Variants in ATR observed in about 807,000 individuals in gnomAD.
The protein encoded by ATR is serine/threonine-protein kinase ATR.
ATR carries 142 observed loss-of-function variants against 305.3 expected under a neutral mutation model. The ratio of observed to expected loss-of-function variants is 0.47; its 90% confidence interval spans 0.41 to 0.53. The LOEUF is 0.53. ATR is among the 20% of genes least tolerant of loss of function. ATR has a pLI of 0.00. For synonymous variants in ATR, 1,050 were observed against 1,068.1 expected, an observed-to-expected ratio of 0.98 and a Z score of 0.33; for missense variants, 2,135 against 3,133.1, an observed-to-expected ratio of 0.68 and a Z score of 7.60.
chr3:142,529,811 T>A (rs2033567289), intron 21 of ATR, among the ~76,000 whole-genome samples: 1 of 152,136 alleles, frequency 6.6e-6, no homozygotes, highest in South Asian at 2.1e-4. Flanking sequence ...TTTTTTCTCC[T>A]TGCAAGTAAT....
intron 35 of ATR, among the ~76,000 whole-genome samples, chr3:142,490,117 G>A (rs1425669275): frequency 6.6e-6 from 1 of 152,138 alleles, no homozygotes; most frequent in Non-Finnish European, 1.5e-5. Flanking sequence ...GGAATGCAGT[G>A]GTGCAATCAT....
At chr3:142,513,397 C>T in intron 26 of ATR, 104 bp downstream of exon 26, 2 of 1,349,898 alleles carry the variant, frequency 1.5e-6, no homozygotes, top group Non-Finnish European at 2.1e-6. Flanking sequence ...CATAGCCATA[C>T]ATAGGTCTAC....
chr3:142,481,304 G>A (rs2030457094), intron 36 of ATR, among the ~76,000 whole-genome samples: 1 of 152,204 alleles, frequency 6.6e-6, no homozygotes, highest in Admixed American at 6.5e-5. Flanking sequence ...ATTGAGATGA[G>A]ATGATCATAT....
intron 46 of ATR, chr3:142,452,863 T>C: frequency 7.7e-7 from 1 of 1,300,728 alleles, no homozygotes; most frequent in Non-Finnish European, 9.8e-7. Context: ...TTTTTCCTAC[T>C]GTATCTCATA....
intron 44 of ATR, among the ~76,000 whole-genome samples, chr3:142,458,716 A>G (rs2070961133): frequency 6.6e-6 from 1 of 152,178 alleles, no homozygotes; most frequent in Admixed American, 6.5e-5. Context: ...TTGAGTCAGA[A>G]CCTAAACCTA....
chr3:142,458,571 AT>A (rs200779066), intron 44 of ATR, among the ~76,000 whole-genome samples: 10 of 151,808 alleles, frequency 6.6e-5, no homozygotes, highest in Non-Finnish European at 1.5e-4. Flanking sequence ...GTATCTATAA[AT>A]TTTTTTTTAA....
At chr3:142,451,804 T>G in intron 46 of ATR, 1 of 1,249,944 alleles carries the variant, frequency 8.0e-7, no homozygotes, top group Non-Finnish European at 1.0e-6. Flanking sequence ...CAGTTAGATA[T>G]GTATATAGCT....
At chr3:142,457,577 A>C in intron 45 of ATR, 27 bp downstream of exon 45, 1 of 1,612,936 alleles carries the variant, frequency 6.2e-7, no homozygotes, top group African/African-American at 1.3e-5. Context: ...GTTACTGTTA[A>C]ATTATTTACA....
intron 40 of ATR, 52 bp from the exon 41 acceptor site, chr3:142,465,292 T>C: frequency 6.9e-7 from 1 of 1,456,782 alleles, no homozygotes; most frequent in Non-Finnish European, 9.6e-7. Context: ...TCTGTGTAAA[T>C]GTCTATATAT....
chr3:142,509,312 T>G (rs1382056883), intron 27 of ATR, among the ~76,000 whole-genome samples: 2 of 152,012 alleles, frequency 1.3e-5, no homozygotes, highest in African/African-American at 2.4e-5. Flanking sequence ...CATAGGCATG[T>G]GCCACCACGC....
intron 46 of ATR, chr3:142,452,629 G>A (rs1006605641): frequency 2.5e-5 from 23 of 912,464 alleles, no homozygotes; most frequent in Middle Eastern, 5.5e-4. Context: ...AGCCAAGATC[G>A]TGCCACTGTA....
intron 36 of ATR, among the ~76,000 whole-genome samples, chr3:142,484,838 T>C (rs554681902): frequency 3.3e-5 from 5 of 152,228 alleles, no homozygotes; most frequent in Admixed American, 6.5e-5. Context: ...AAAACCCACA[T>C]CTTTGGTCAT....
Position 142,470,195 on chromosome 3 carries a change from T to C in ATR, c.6222-12A>G, listed in dbSNP as rs2071226852. 2.6e-6 allele frequency: 4 copies of C among 1,560,240 alleles called. No individual in the cohort carries two copies. The highest frequency in any genetic ancestry group is 1.1e-5 in the South Asian group (1 of 89,542). ...CATATTGTAGAGATCTGCAATTATA[T>C]AGACAAGAAACACTATTAGCATAGC... On this transcript the variant is annotated splice_polypyrimidine_tract_variant and intron_variant, in intron 36 of 46. Transcript: ENST00000350721.
intron 21 of ATR, among the ~76,000 whole-genome samples, chr3:142,526,316 C>T (rs2033385782): frequency 1.3e-5 from 2 of 151,872 alleles, no homozygotes; most frequent in South Asian, 2.1e-4. Flanking sequence ...ACATCTTTTC[C>T]AATTCTTATG....
intron 45 of ATR, among the ~76,000 whole-genome samples, chr3:142,456,695 G>C (rs149571357): frequency 1.7e-4 from 26 of 152,244 alleles, no homozygotes; most frequent in Non-Finnish European, 2.9e-4. Context: ...CACCATCACT[G>C]GTCATTAGGG....
chr3:142,495,483 G>A (rs1361926652), intron 34 of ATR, among the ~76,000 whole-genome samples: 2 of 152,156 alleles, frequency 1.3e-5, no homozygotes, highest in African/African-American at 4.8e-5. Flanking sequence ...GGTGGCTCAC[G>A]CCTGTAATCC....
Position 142,519,694 on chromosome 3 carries a change from T to C in ATR, c.4357A>G (p.Ile1453Val), listed in dbSNP as rs1304953356. 2 of 1,613,506 alleles carry C rather than the reference T, an allele frequency of 1.2e-6. No homozygotes were observed. Among genetic ancestry groups the C allele is most frequent in the Non-Finnish European group, 1.7e-6 (2 of 1,179,406 alleles). ...WRRFPEHVRE[I>V]LEPHLNTRYK... ...CTGGTATTTAGATGAGGTTCTAGTA[T>C]TTCCCGAACATGCTCAGGAAATCTC... Residue 1453 changes from isoleucine to valine, a missense_variant, in exon 24 of 47, where the codon ATA becomes GTA. Around this residue, in one of 9 missense-constraint regions of ATR, gnomAD observed 202 missense variants for 252.9 expected, o/e 0.80. Transcript: ENST00000350721.
chr3:142,490,135 T>C lies in ATR; in HGVS notation c.6078+2997A>G, dbSNP rs547693418. 3.3e-5 allele frequency among the ~76,000 whole-genome samples: 5 copies of C among 152,340 alleles called. No individual in the cohort carries two copies. In the South Asian group the frequency reaches 6.2e-4, roughly 19 times the overall value. On this transcript the variant is annotated intron_variant, in intron 35 of 46. Transcript: ENST00000350721. ...ATGCAGTGGTGCAATCATAGCTAAC[T>C]GTAACCTTGAACTCCTAGGCTCAAG...
intron 36 of ATR, among the ~76,000 whole-genome samples, chr3:142,481,509 G>T (rs1185832363): frequency 6.6e-6 from 1 of 152,166 alleles, no homozygotes; most frequent in Non-Finnish European, 1.5e-5. Context: ...ATGCAAAGAA[G>T]TACACTTTTG....
Sources: gnomAD v4.1 joint callset for allele counts (sites outside exome capture counted in the v4.1 genomes callset) on GRCh38, gnomAD v4.1.1 for gene constraint, gnomAD v4.1.1 regional missense constraint, MANE v1.5 for transcripts, NCBI Gene and HGNC (gene_info 2026-07-23, HGNC 2026-07-21) for gene names.